Variants in CPS1 observed in about 807,000 individuals in gnomAD.
CPS1 encodes carbamoyl-phosphate synthase [ammonia], mitochondrial.
Under a neutral mutation model 174.6 loss-of-function variants are expected in CPS1, and 109 were observed. That is an observed-to-expected ratio of 0.62 (90% CI 0.53 to 0.73). CPS1 has a LOEUF of 0.73. Ranked by LOEUF, CPS1 falls within the 30% of genes least tolerant of loss-of-function variation. The pLI, the probability that CPS1 is intolerant of heterozygous loss-of-function variation, is 0.00. For synonymous variants in CPS1, 637 were observed against 632.0 expected (o/e 1.01, Z -0.12); for missense variants, 1,689 against 1,821.9 (o/e 0.93, Z 1.33).
At chr2:210,663,043 C>T in intron 32 of CPS1, 80 bp from the exon 33 acceptor site, 1 of 1,336,328 alleles carries the variant, frequency 7.5e-7, no homozygotes. Flanking sequence ...AGATGATTTG[C>T]TAATATATTT....
At chr2:210,660,802 A>G in intron 32 of CPS1, 147 bp downstream of exon 32, 2 of 831,840 alleles carry the variant, frequency 2.4e-6, no homozygotes, top group South Asian at 3.2e-5. Flanking sequence ...AATGTACTGC[A>G]GTTGTACTAT....
rs1397753392 is a variant in CPS1, at chr2:210,487,628, C to A, written c.3+9862C>A. On this transcript the variant is annotated intron_variant, in intron 1 of 38. Transcript: ENST00000430249. The stretch of plus-strand genomic sequence containing the variant: ...GCCATGACTTGACATTGGTATTCTT[C>A]CGATGACTTGATGTCCTTATGTTTA... Among the ~76,000 whole-genome samples, 4 of 152,248 alleles carry A rather than the reference C, an allele frequency of 2.6e-5. No homozygotes were observed. The East Asian group carries it at 7.7e-4, about 29-fold the overall frequency.
rs139845635 is a variant in CPS1, at chr2:210,611,619, G to A, written c.2392-498G>A. On this transcript the variant is annotated intron_variant, in intron 19 of 37. Coordinates refer to ENST00000233072, the MANE Select transcript of CPS1 (RefSeq NM_001875.5). ...ATCAGTATTTGTTATGACTCTCAAGGTTCTATTAATATTAATGCTTAGCTG... is the reference window on the plus strand; with the variant it reads ...ATCAGTATTTGTTATGACTCTCAAGATTCTATTAATATTAATGCTTAGCTG... Among the ~76,000 whole-genome samples, 26 of 151,948 alleles carry A rather than the reference G, an allele frequency of 1.7e-4. No individual in the cohort carries two copies. The East Asian group carries it at 4.9e-3, about 29-fold the overall frequency.
chr2:210,479,983 TTTCAAAA>T (rs1170454175), intron 1 of CPS1, among the ~76,000 whole-genome samples: 1 of 152,178 alleles, frequency 6.6e-6, no homozygotes, highest in Non-Finnish European at 1.5e-5. Context: ...CAGACTTTAA[TTTCAAAA>T]TGTTATAATG....
rs778001355 is a variant in CPS1 at position 210,600,729 on chromosome 2, T to A, written c.1707+17T>A. Reference sequence around the variant, plus strand: ...GTGGAATCGGTAAGGATTCTTTGCTTTGGAAAAACAAGGGCATTATTTGTC... The same window carrying A: ...GTGGAATCGGTAAGGATTCTTTGCTATGGAAAAACAAGGGCATTATTTGTC... On this transcript the variant is annotated intron_variant, in intron 15 of 37. Coordinates refer to ENST00000233072, the MANE Select transcript of CPS1 (RefSeq NM_001875.5). The A allele has an allele frequency of 1.9e-6, 3 of 1,611,176 alleles. No individual in the cohort carries two copies.
chr2:210,587,643 T>C (rs1180180892), intron 6 of CPS1, among the ~76,000 whole-genome samples: 1 of 152,066 alleles, frequency 6.6e-6, no homozygotes, highest in Non-Finnish European at 1.5e-5. Flanking sequence ...TGATCTTTAC[T>C]GCAAGTTGAG....
At chr2:210,530,696 A>T (rs1158144563) in intron 1 of CPS1, among the ~76,000 whole-genome samples, 1 of 152,030 alleles carries the variant, frequency 6.6e-6, no homozygotes, top group South Asian at 2.1e-4. Flanking sequence ...AGTTTAAGAA[A>T]CTTACTGCAG....
chr2:210,487,259 T>G (rs1694755662), intron 1 of CPS1, among the ~76,000 whole-genome samples: 1 of 152,200 alleles, frequency 6.6e-6, no homozygotes. Context: ...CCCACCCTGC[T>G]TCTTCCCTGT....
Position 210,678,168 on chromosome 2 carries a change from C to G in CPS1, c.*183C>G. ...TGTCAGTCACTTCTTCAAAACCTTA[C>G]AGTCCTTCCTAAGTTACTCTTCATG... On this transcript the variant is annotated 3_prime_UTR_variant, in exon 38 of 38. Coordinates refer to ENST00000233072, the MANE Select transcript of CPS1 (RefSeq NM_001875.5). The G allele has an allele frequency of 1.5e-6, 1 of 680,520 alleles. No homozygotes were observed. Among genetic ancestry groups the G allele is most frequent in the Non-Finnish European group, 2.7e-6 (1 of 367,640 alleles). The allele number at this position is 680,520 out of a possible 1,614,324, so 42.2% of individuals were successfully genotyped here. A position where few individuals can be genotyped will look rare whatever the true frequency, so the allele number is the denominator to read the frequency against.
chr2:210,624,329 T>A (rs879437982), intron 21 of CPS1, among the ~76,000 whole-genome samples: 4 of 152,100 alleles, frequency 2.6e-5, no homozygotes, highest in Non-Finnish European at 1.5e-5. Context: ...ATATACTATA[T>A]GTGAAGTAAC....
intron 25 of CPS1, 88 bp downstream of exon 25, chr2:210,642,753 G>A (rs1700269771): frequency 8.4e-7 from 1 of 1,187,828 alleles, no homozygotes; most frequent in African/African-American, 1.5e-5. Context: ...GTATATAGAT[G>A]TATATAGTAA....
Position 210,586,395 on chromosome 2 carries a change from T to A in CPS1, c.622-1663T>A, listed in dbSNP as rs147603472. Reference sequence around the variant, plus strand: ...CTTCCCCTTGTTTTACATATTTCCCTGTGAAATGATTTAGTTTGAAACACA... The same window carrying A: ...CTTCCCCTTGTTTTACATATTTCCCAGTGAAATGATTTAGTTTGAAACACA... On this transcript the variant is annotated intron_variant, in intron 6 of 37. Transcript: ENST00000233072. Among the ~76,000 whole-genome samples, 26 of 152,200 alleles carry A rather than the reference T, an allele frequency of 1.7e-4. No individual in the cohort carries two copies. In the East Asian group the frequency reaches 4.8e-3, roughly 28 times the overall value.
intron 21 of CPS1, among the ~76,000 whole-genome samples, chr2:210,631,989 T>C (rs1461078667): frequency 6.6e-6 from 1 of 152,242 alleles, no homozygotes; most frequent in Non-Finnish European, 1.5e-5. Context: ...AAAGCTGTCT[T>C]GATTTACAAC....
intron 25 of CPS1, among the ~76,000 whole-genome samples, chr2:210,644,183 T>C (rs562816382): frequency 1.3e-5 from 2 of 152,176 alleles, no homozygotes; most frequent in East Asian, 3.9e-4. Flanking sequence ...AAGTCAGTAT[T>C]ATAGAAAGAA....
intron 21 of CPS1, chr2:210,619,481 G>A (rs928900715): frequency 6.6e-6 from 1 of 151,902 alleles, no homozygotes; most frequent in African/African-American, 2.4e-5. Context: ...TTTTAGATAT[G>A]TATTATATAT....
chr2:210,485,474 C>T (rs73071716), intron 1 of CPS1, among the ~76,000 whole-genome samples: 1 of 152,046 alleles, frequency 6.6e-6, no homozygotes, highest in South Asian at 2.1e-4. Flanking sequence ...AATCACTGAT[C>T]TGCTGTCTGA....
At chr2:210,589,930 G>A (rs555225864) in intron 7 of CPS1, among the ~76,000 whole-genome samples, 176 bp from the exon 8 acceptor site, 3 of 152,040 alleles carry the variant, frequency 2.0e-5, no homozygotes, top group South Asian at 2.1e-4. Context: ...TAGGATCACC[G>A]GCATGAGCCA....
chr2:210,648,607 A>T (rs1390774228), intron 27 of CPS1, 67 bp downstream of exon 27: 4 of 1,197,594 alleles, frequency 3.3e-6, no homozygotes, highest in Non-Finnish European at 5.0e-6. Context: ...TGCATGCTGT[A>T]TGCTAATAGC....
intron 20 of CPS1, among the ~76,000 whole-genome samples, chr2:210,614,299 T>C (rs557932498): frequency 4.6e-5 from 7 of 152,054 alleles, no homozygotes; most frequent in African/African-American, 1.7e-4. Flanking sequence ...CAGTCTATCA[T>C]TGATGGGCGT....
Sources: gnomAD v4.1 joint callset for allele counts (sites outside exome capture counted in the v4.1 genomes callset) on GRCh38, gnomAD v4.1.1 for gene constraint, MANE v1.5 for transcripts, NCBI Gene and HGNC (gene_info 2026-07-23, HGNC 2026-07-21) for gene names.